ACVR1: variants seen among roughly 807,000 people sequenced by gnomAD.
ACVR1 encodes the protein activin receptor type-1.
A neutral mutation model predicts 57.1 loss-of-function variants in ACVR1; 38 were observed. The observed-to-expected ratio is 0.67, with a 90% CI of 0.51 to 0.87. The LOEUF (loss-of-function observed/expected upper bound fraction) is 0.87, where lower values mean the gene tolerates loss of function less well. Among genes scored for constraint, ACVR1 ranks in the 40% least tolerant of loss-of-function variants. ACVR1 has a pLI of 0.00. For missense variants in ACVR1, 463 were observed against 638.2 expected, an observed-to-expected ratio of 0.73 and a Z score of 2.96; for synonymous variants, 212 against 228.1, an observed-to-expected ratio of 0.93 and a Z score of 0.63.
intron 5 of ACVR1, among the ~76,000 whole-genome samples, chr2:157,774,623 CA>C (rs1686207306): frequency 6.6e-6 from 1 of 152,190 alleles, no homozygotes; most frequent in Non-Finnish European, 1.5e-5. Flanking sequence ...CTTGGCCTCC[CA>C]AAGCACTGGG....
intron 3 of ACVR1, among the ~76,000 whole-genome samples, chr2:157,784,056 A>C (rs1686624103): frequency 6.6e-6 from 1 of 152,234 alleles, no homozygotes; most frequent in African/African-American, 2.4e-5. Context: ...AGGTAGTAAT[A>C]GCATTCTCGG....
intron 6 of ACVR1, among the ~76,000 whole-genome samples, chr2:157,773,270 T>A (rs1044364184): frequency 6.6e-6 from 1 of 152,230 alleles, no homozygotes; most frequent in African/African-American, 2.4e-5. Context: ...CTTTGTACCA[T>A]CTTCCAAGAG....
intron 1 of ACVR1, among the ~76,000 whole-genome samples, chr2:157,857,719 C>T (rs1689584262): frequency 6.6e-6 from 1 of 152,200 alleles, no homozygotes; most frequent in Admixed American, 6.5e-5. Flanking sequence ...GCAGCCTTGT[C>T]AGCACCGTAA....
At chr2:157,752,406 A>G (rs1685239718) in intron 9 of ACVR1, among the ~76,000 whole-genome samples, 1 of 152,222 alleles carries the variant, frequency 6.6e-6, no homozygotes, top group South Asian at 2.1e-4. Flanking sequence ...AGGTTCTTTA[A>G]CAACCTCCAA....
At chr2:157,788,938 C>T (rs988287330) in intron 3 of ACVR1, among the ~76,000 whole-genome samples, 38 of 152,308 alleles carry the variant, frequency 2.5e-4, no homozygotes, top group African/African-American at 8.7e-4. Flanking sequence ...AAAGGAATCC[C>T]ATGTCTTCAA....
In ACVR1 at chr2:157,761,007, C is replaced by T. The variant is rs1341801771; in HGVS notation, c.1137G>A (p.Lys379=). Reference sequence around the variant, plus strand: ...CTAGAACTTCGGGGGCCATGTAGCGCTTGGTGCCCACACGGGGATTGTTCC... The same window carrying T: ...CTAGAACTTCGGGGGCCATGTAGCGTTTGGTGCCCACACGGGGATTGTTCC... The part of the protein sequence containing the change: ...DVGNNPRVGT[K]RYMAPEVLDE... The change falls in exon 9 of 11, where the codon AAG becomes AAA. Residue 379 remains lysine, a synonymous_variant. Coordinates refer to ENST00000434821, the MANE Select transcript of ACVR1 (RefSeq NM_001111067.4). 1 of 1,614,142 alleles carries T rather than the reference C, an allele frequency of 6.2e-7. No homozygotes were observed. Among genetic ancestry groups the T allele is most frequent in the Non-Finnish European group, 8.5e-7 (1 of 1,180,026 alleles).
At chr2:157,808,534 C>T (rs780520427) in intron 2 of ACVR1, among the ~76,000 whole-genome samples, 3 of 152,142 alleles carry the variant, frequency 2.0e-5, no homozygotes, top group African/African-American at 4.8e-5. Flanking sequence ...AACAAAAAGA[C>T]GGCTGGCAGA....
intron 9 of ACVR1, among the ~76,000 whole-genome samples, chr2:157,752,441 G>A (rs1685241285): frequency 6.6e-6 from 1 of 152,158 alleles, no homozygotes; most frequent in African/African-American, 2.4e-5. Context: ...CACCCGCACT[G>A]GATCCAAACC....
intron 9 of ACVR1, among the ~76,000 whole-genome samples, chr2:157,759,135 T>A (rs1685548020): frequency 6.6e-6 from 1 of 151,466 alleles, no homozygotes; most frequent in Admixed American, 6.6e-5. Flanking sequence ...ATAAGAAAGG[T>A]CATAGCAAAA....
intron 1 of ACVR1, among the ~76,000 whole-genome samples, chr2:157,832,616 ATACTT>A (rs1393926888): frequency 6.6e-6 from 1 of 152,096 alleles, no homozygotes; most frequent in Non-Finnish European, 1.5e-5. Flanking sequence ...GACATTTTCT[ATACTT>A]TACTCTCCTC....
chr2:157,757,878 A>G (rs1266374366), intron 9 of ACVR1, among the ~76,000 whole-genome samples: 2 of 151,960 alleles, frequency 1.3e-5, no homozygotes, highest in Admixed American at 1.3e-4. Flanking sequence ...ATACAAACAC[A>G]CACACACACA....
At chr2:157,821,622 T>C (rs1688163784) in intron 1 of ACVR1, among the ~76,000 whole-genome samples, 1 of 152,232 alleles carries the variant, frequency 6.6e-6, no homozygotes, top group South Asian at 2.1e-4. Flanking sequence ...AACCATTCAT[T>C]GAGCTGAGTT....
At chr2:157,804,783 C>T (rs918156162) in intron 2 of ACVR1, among the ~76,000 whole-genome samples, 17 of 152,170 alleles carry the variant, frequency 1.1e-4, no homozygotes, top group African/African-American at 4.1e-4. Flanking sequence ...CAGAACATTC[C>T]CATGATATTC....
chr2:157,760,788 T>C, intron 9 of ACVR1, 92 bp downstream of exon 9: 1 of 1,252,884 alleles, frequency 8.0e-7, no homozygotes, highest in South Asian at 1.3e-5. Context: ...CAAAGAACAA[T>C]GTGAATTTCA....
chr2:157,741,376 C>T (rs1489329623), intron 9 of ACVR1, among the ~76,000 whole-genome samples: 4 of 152,014 alleles, frequency 2.6e-5, no homozygotes, highest in Non-Finnish European at 4.4e-5. Flanking sequence ...GCCTGTAATC[C>T]CAGCACTTTG....
intron 1 of ACVR1, among the ~76,000 whole-genome samples, chr2:157,863,315 T>C (rs1054267514): frequency 3.1e-5 from 4 of 131,026 alleles, no homozygotes; most frequent in African/African-American, 1.1e-4. Context: ...GCCCAGCCTA[T>C]AGAACAGTTA....
chr2:157,773,878 T>C (rs1351770071), intron 6 of ACVR1, among the ~76,000 whole-genome samples: 1 of 152,188 alleles, frequency 6.6e-6, no homozygotes, highest in Non-Finnish European at 1.5e-5. Context: ...CTCTGCATTC[T>C]CTGTACTCAT....
chr2:157,775,379 A>G (rs1053760188), intron 5 of ACVR1, among the ~76,000 whole-genome samples: 3 of 152,224 alleles, frequency 2.0e-5, no homozygotes, highest in Non-Finnish European at 4.4e-5. Context: ...ATTATCTGTA[A>G]TAAACAATAT....
At chr2:157,762,823 C>T (rs1487870173) in intron 8 of ACVR1, among the ~76,000 whole-genome samples, 3 of 152,174 alleles carry the variant, frequency 2.0e-5, no homozygotes, top group Admixed American at 6.5e-5. Flanking sequence ...GAGAGGTCCC[C>T]CTGCAAGGAG....
Sources: gnomAD v4.1 joint callset for allele counts (sites outside exome capture counted in the v4.1 genomes callset) on GRCh38, gnomAD v4.1.1 for gene constraint, MANE v1.5 for transcripts, NCBI Gene and HGNC (gene_info 2026-07-23, HGNC 2026-07-21) for gene names.